Variants in NTM observed in about 807,000 individuals in gnomAD.
NTM encodes the protein neurotrimin.
Under a neutral mutation model 42.1 loss-of-function variants are expected in NTM, and 13 were observed. The observed-to-expected ratio is 0.31, with a 90% CI of 0.20 to 0.49. The LOEUF is 0.49. Ranked by LOEUF, NTM falls within the 20% of genes least tolerant of loss-of-function variation. NTM has a pLI of 0.99. For missense variants in NTM, 373 were observed against 452.8 expected (o/e 0.82, Z 1.60); for synonymous variants, 187 against 179.2 (o/e 1.04, Z -0.35).
At chr11:131,409,419 G>A (rs940295665) in intron 1 of NTM, among the ~76,000 whole-genome samples, 2 of 152,204 alleles carry the variant, frequency 1.3e-5, no homozygotes, top group Admixed American at 6.5e-5. Flanking sequence ...CCACAGAGAG[G>A]TGCAGGAGTC....
chr11:131,950,593 C>T (rs760055876), intron 2 of NTM, among the ~76,000 whole-genome samples: 8 of 152,178 alleles, frequency 5.3e-5, no homozygotes, highest in Admixed American at 2.0e-4. Context: ...ATCTTGACTC[C>T]GCTTGGCCAA....
At chr11:131,617,311 C>T (rs374733625) in intron 1 of NTM, among the ~76,000 whole-genome samples, 39 of 152,084 alleles carry the variant, frequency 2.6e-4, no homozygotes, top group South Asian at 1.7e-3. Flanking sequence ...GTACACTTTG[C>T]GGAAAGAAAA....
At chr11:132,278,313 C>T (rs922322268) in intron 4 of NTM, among the ~76,000 whole-genome samples, 2 of 152,236 alleles carry the variant, frequency 1.3e-5, no homozygotes, top group East Asian at 1.9e-4. Flanking sequence ...CAACCTATCT[C>T]TGTTCCATGA....
At chr11:131,592,566 G>A (rs913062429) in intron 1 of NTM, among the ~76,000 whole-genome samples, 4 of 148,296 alleles carry the variant, frequency 2.7e-5, no homozygotes, top group Non-Finnish European at 4.4e-5. Flanking sequence ...TCCTGCAGTA[G>A]TGATGAAAGC....
At chr11:132,148,224 A>G (rs1195710274) in intron 3 of NTM, among the ~76,000 whole-genome samples, 3 of 152,264 alleles carry the variant, frequency 2.0e-5, no homozygotes, top group African/African-American at 7.2e-5. Context: ...CATAGAAGGT[A>G]TCAGAGTGTA....
At position 131,436,814 on chromosome 11, in the gene NTM, G is replaced by C. The variant is rs547027623; in HGVS notation, c.82+65926G>C. Among the ~76,000 whole-genome samples the C allele has an allele frequency of 4.6e-5, 7 of 151,956 alleles. No individual in the cohort carries two copies. In the East Asian group the frequency reaches 1.4e-3, roughly 29 times the overall value. On this transcript the variant is annotated intron_variant, in intron 1 of 8. Transcript: ENST00000683400. ...TCTGCTCTGATCTTAGTTATTTCTT[G>C]CCTTCTGCTAGCTTTTGAATTTGTT...
chr11:131,576,077 T>C (rs2057903868), intron 1 of NTM, among the ~76,000 whole-genome samples: 1 of 152,088 alleles, frequency 6.6e-6, no homozygotes, highest in Admixed American at 6.5e-5. Context: ...CTAGAGAAGG[T>C]GGGCTGGAAA....
chr11:131,436,199 T>C (rs1438030999), intron 1 of NTM, among the ~76,000 whole-genome samples: 2 of 152,242 alleles, frequency 1.3e-5, no homozygotes, highest in African/African-American at 4.8e-5. Flanking sequence ...CAGTATTTTA[T>C]TGAGGATTTT....
intron 1 of NTM, among the ~76,000 whole-genome samples, chr11:131,665,544 A>C (rs2068894627): frequency 6.6e-6 from 1 of 152,220 alleles, no homozygotes; most frequent in Admixed American, 6.5e-5. Context: ...GGGACACAGC[A>C]CACAGGGAGG....
At chr11:132,185,793 G>A (rs1321990421) in intron 3 of NTM, among the ~76,000 whole-genome samples, 1 of 152,176 alleles carries the variant, frequency 6.6e-6, no homozygotes, top group Non-Finnish European at 1.5e-5. Context: ...GAGAGCCCAG[G>A]ATGGAGTAGG....
intron 1 of NTM, among the ~76,000 whole-genome samples, chr11:131,701,854 G>T (rs550588136): frequency 1.3e-5 from 2 of 152,248 alleles, no homozygotes; most frequent in Admixed American, 6.5e-5. Flanking sequence ...TGTCATGGTT[G>T]GACCCCAGTG....
chr11:132,030,654 G>T (rs947471507), intron 2 of NTM, among the ~76,000 whole-genome samples: 12 of 152,242 alleles, frequency 7.9e-5, no homozygotes, highest in African/African-American at 2.7e-4. Context: ...GGAGTTGGAA[G>T]AGGGAACCTC....
intron 2 of NTM, among the ~76,000 whole-genome samples, chr11:131,998,342 G>A (rs2068487754): frequency 6.6e-6 from 1 of 152,136 alleles, no homozygotes; most frequent in Admixed American, 6.5e-5. Flanking sequence ...AATTGTTCCA[G>A]TCCCAATAAA....
At chr11:131,388,672 A>T (rs1436363252) in intron 1 of NTM, among the ~76,000 whole-genome samples, 1 of 152,006 alleles carries the variant, frequency 6.6e-6, no homozygotes, top group Non-Finnish European at 1.5e-5. Context: ...TTATTTTAAG[A>T]TCTGTATTTG....
At chr11:132,206,170 T>C (rs2081965507) in intron 3 of NTM, among the ~76,000 whole-genome samples, 1 of 152,158 alleles carries the variant, frequency 6.6e-6, no homozygotes, top group South Asian at 2.1e-4. Flanking sequence ...TTTTACTCCA[T>C]CTGACACAAT....
At chr11:132,108,709 T>A (rs1405323386) in intron 2 of NTM, among the ~76,000 whole-genome samples, 1 of 152,114 alleles carries the variant, frequency 6.6e-6, no homozygotes. Context: ...TTCAAATATT[T>A]TTATTATTAT....
intron 2 of NTM, among the ~76,000 whole-genome samples, chr11:131,927,506 T>C (rs2134043116): frequency 6.6e-6 from 1 of 152,334 alleles, no homozygotes; most frequent in Middle Eastern, 3.4e-3. Flanking sequence ...CCACAGTAAA[T>C]GGATGCAGCT....
At chr11:132,092,259 A>C (rs975786506) in intron 2 of NTM, among the ~76,000 whole-genome samples, 4 of 152,186 alleles carry the variant, frequency 2.6e-5, no homozygotes, top group Non-Finnish European at 2.9e-5. Flanking sequence ...AGCCACAAAG[A>C]ATTCCTAGGC....
chr11:132,243,190 T>A (rs1408450344), intron 4 of NTM, among the ~76,000 whole-genome samples: 2 of 152,144 alleles, frequency 1.3e-5, no homozygotes, highest in Non-Finnish European at 2.9e-5. Context: ...AAATTACTGC[T>A]CAAATCTTTG....
Sources: gnomAD v4.1 joint callset for allele counts (sites outside exome capture counted in the v4.1 genomes callset) on GRCh38, gnomAD v4.1.1 for gene constraint, MANE v1.5 for transcripts, NCBI Gene and HGNC (gene_info 2026-07-23, HGNC 2026-07-21) for gene names.